TPRG1: variants seen among roughly 807,000 people sequenced by gnomAD.
TPRG1 encodes the protein tumor protein p63-regulated gene 1 protein.
Under a neutral mutation model 29.3 loss-of-function variants are expected in TPRG1, and 29 were observed. That is an observed-to-expected ratio of 0.99 (90% CI 0.74 to 1.35). The LOEUF (loss-of-function observed/expected upper bound fraction) is 1.35. Among genes scored for constraint, TPRG1 ranks in the 40% most tolerant of loss-of-function variants. The pLI is 0.00. For missense variants in TPRG1, 327 were observed against 335.0 expected (o/e 0.98, Z 0.19); for synonymous variants, 130 against 116.8 (o/e 1.11, Z -0.73).
In TPRG1 at chr3:189,117,042, G is replaced by A. The variant is rs934872141; in HGVS notation, c.-743-10015G>A. Among the ~76,000 whole-genome samples, 4 of 152,010 alleles carry A rather than the reference G, an allele frequency of 2.6e-5. No homozygotes were observed. The East Asian group carries it at 5.8e-4, about 22-fold the overall frequency. ...TCCCCTTTACTTTTCATACCAGTTC[G>A]CCTGTCCTCCAAGATCTTTACTTTA... On this transcript the variant is annotated intron_variant, in intron 1 of 6. Transcript: ENST00000412373.
At chr3:189,157,981 T>G (rs1188190581) in intron 5 of TPRG1, among the ~76,000 whole-genome samples, 1 of 152,230 alleles carries the variant, frequency 6.6e-6, no homozygotes, top group African/African-American at 2.4e-5. Context: ...AGCAAGTGCA[T>G]CCTTTTAGGA....
chr3:189,207,181 C>A, intron 1 of TPRG1, 195 bp from the exon 2 acceptor site: 2 of 984,732 alleles, frequency 2.0e-6, no homozygotes, highest in African/African-American at 1.7e-5. Context: ...TGGTAAATGA[C>A]CTTGCAGGAT....
intron 4 of TPRG1, among the ~76,000 whole-genome samples, chr3:189,026,536 T>C (rs1248360695): frequency 6.6e-6 from 1 of 152,226 alleles, no homozygotes; most frequent in Non-Finnish European, 1.5e-5. Flanking sequence ...GGGGAAGTTT[T>C]TTCTTTCCAC....
At chr3:189,073,077 G>A (rs915062257) in intron 4 of TPRG1, among the ~76,000 whole-genome samples, 1 of 152,154 alleles carries the variant, frequency 6.6e-6, no homozygotes, top group Non-Finnish European at 1.5e-5. Context: ...GTACTGGTTT[G>A]TTTAGTGGGA....
chr3:189,186,253 G>A (rs1730903758), intron 1 of TPRG1, among the ~76,000 whole-genome samples: 1 of 152,170 alleles, frequency 6.6e-6, no homozygotes, highest in Admixed American at 6.5e-5. Flanking sequence ...CCGAAATGTT[G>A]TGATTGGTGA....
At chr3:189,289,802 C>T (rs1718694012) in intron 4 of TPRG1, among the ~76,000 whole-genome samples, 1 of 152,096 alleles carries the variant, frequency 6.6e-6, no homozygotes, top group Non-Finnish European at 1.5e-5. Flanking sequence ...TATCTTTGCT[C>T]AGATTTTTGC....
At chr3:189,211,311 C>G (rs1280976118) in intron 2 of TPRG1, among the ~76,000 whole-genome samples, 1 of 152,126 alleles carries the variant, frequency 6.6e-6, no homozygotes, top group African/African-American at 2.4e-5. Flanking sequence ...CTCATTGGCT[C>G]CCTGAGGCAG....
At chr3:189,221,448 A>G (rs1216624656) in intron 3 of TPRG1, among the ~76,000 whole-genome samples, 1 of 152,188 alleles carries the variant, frequency 6.6e-6, no homozygotes, top group Non-Finnish European at 1.5e-5. Context: ...TTCAATGGCC[A>G]AGGGTTGCCT....
intron 3 of TPRG1, among the ~76,000 whole-genome samples, chr3:189,146,599 C>T (rs9836375): frequency 0.31 from 46,946 of 151,984 alleles, 7,707 homozygotes; most frequent in Admixed American, 0.44. Context: ...GCACTGATCC[C>T]CCATATTATA....
At chr3:189,135,900 C>A (rs1389763245) in intron 3 of TPRG1, among the ~76,000 whole-genome samples, 2 of 152,154 alleles carry the variant, frequency 1.3e-5, no homozygotes, top group Non-Finnish European at 2.9e-5. Flanking sequence ...ATTTCACAGT[C>A]CAATTCAAAT....
intron 3 of TPRG1, among the ~76,000 whole-genome samples, chr3:189,142,747 G>T (rs1724739226): frequency 6.6e-6 from 1 of 152,206 alleles, no homozygotes; most frequent in Admixed American, 6.5e-5. Context: ...TCGGCTGCCA[G>T]TTGGCCATCT....
At chr3:189,164,189 G>C (rs560748839) in intron 5 of TPRG1, among the ~76,000 whole-genome samples, 1 of 151,788 alleles carries the variant, frequency 6.6e-6, no homozygotes, top group African/African-American at 2.4e-5. Flanking sequence ...TTGAGACAGA[G>C]TCTCACTCTG....
intron 4 of TPRG1, among the ~76,000 whole-genome samples, chr3:189,147,910 GGT>G (rs1725465285): frequency 6.6e-6 from 1 of 152,164 alleles, no homozygotes; most frequent in South Asian, 2.1e-4. Context: ...CTGAAAAGAT[GGT>G]CACCTTGCAC....
intron 4 of TPRG1, among the ~76,000 whole-genome samples, chr3:189,068,316 T>G (rs2152149257): frequency 6.6e-6 from 1 of 152,326 alleles, no homozygotes; most frequent in South Asian, 2.1e-4. Flanking sequence ...GCTGGGTAGA[T>G]ATCTAAAGGA....
intron 4 of TPRG1, among the ~76,000 whole-genome samples, chr3:189,304,141 G>T: frequency 1.4e-5 from 2 of 140,874 alleles, no homozygotes; most frequent in African/African-American, 2.7e-5. Context: ...TGTCTAACCA[G>T]CATAACACAA....
chr3:189,093,172 A>T (rs1718449703), intron 4 of TPRG1, among the ~76,000 whole-genome samples: 1 of 152,190 alleles, frequency 6.6e-6, no homozygotes, highest in African/African-American at 2.4e-5. Context: ...GAAATAAAAG[A>T]AAGTAAACTC....
chr3:189,082,311 A>G (rs1717646449), intron 4 of TPRG1, among the ~76,000 whole-genome samples: 1 of 152,204 alleles, frequency 6.6e-6, no homozygotes, highest in African/African-American at 2.4e-5. Flanking sequence ...TCTGGGCCTT[A>G]CATGACCCTT....
intron 3 of TPRG1, among the ~76,000 whole-genome samples, chr3:189,230,731 T>C (rs1194460936): frequency 6.6e-6 from 1 of 152,218 alleles, no homozygotes; most frequent in African/African-American, 2.4e-5. Flanking sequence ...TGTTCACCAT[T>C]ATACCACTAG....
intron 1 of TPRG1, among the ~76,000 whole-genome samples, chr3:189,122,887 T>TA (rs1202839573): frequency 3.9e-5 from 6 of 152,228 alleles, no homozygotes; most frequent in African/African-American, 1.4e-4. Flanking sequence ...GTCAAATAGT[T>TA]AGATTATCTT....
Sources: allele counts gnomAD v4.1 joint callset (sites outside exome capture counted in the v4.1 genomes callset), GRCh38; gene constraint gnomAD v4.1.1; transcripts MANE v1.5; gene names NCBI Gene and HGNC (gene_info 2026-07-23, HGNC 2026-07-21).